SLC24A2: variants seen among roughly 807,000 people sequenced by gnomAD.
SLC24A2 encodes sodium/potassium/calcium exchanger 2.
SLC24A2 carries 36 observed loss-of-function variants against 62.0 expected under a neutral mutation model. The ratio of observed to expected loss-of-function variants is 0.58; its 90% confidence interval spans 0.44 to 0.77. The LOEUF (loss-of-function observed/expected upper bound fraction) is 0.77. SLC24A2 is among the 30% of genes least tolerant of loss of function. SLC24A2 has a pLI of 0.00. For missense variants in SLC24A2, 846 were observed against 817.9 expected (o/e 1.03, Z -0.42); for synonymous variants, 358 against 294.0 (o/e 1.22, Z -2.23).
intron 7 of SLC24A2, among the ~76,000 whole-genome samples, chr9:19,562,159 T>C (rs1039512551): frequency 2.6e-5 from 4 of 152,226 alleles, no homozygotes; most frequent in African/African-American, 4.8e-5. Flanking sequence ...TTGGTTTTTG[T>C]TGTTTTCATG....
At chr9:19,966,117 C>T in the SLC24A2 span, among the ~76,000 whole-genome samples, 1 of 152,170 alleles carries the variant, frequency 6.6e-6, no homozygotes, top group Non-Finnish European at 1.5e-5. Context: ...TCCCCTGCTA[C>T]CTAGAGCTCC....
At chr9:20,189,091 T>C in the SLC24A2 span, among the ~76,000 whole-genome samples, 70 of 131,870 alleles carry the variant, frequency 5.3e-4, no homozygotes, top group East Asian at 3.8e-3. Flanking sequence ...TTTTTTTTTT[T>C]TCCCAGTTGA....
chr9:19,839,315 T>G, the SLC24A2 span, among the ~76,000 whole-genome samples: 8 of 152,302 alleles, frequency 5.3e-5, no homozygotes, highest in East Asian at 1.5e-3. Context: ...AGTTTAACCA[T>G]TGTGGAAGTC....
the SLC24A2 span, among the ~76,000 whole-genome samples, chr9:20,304,808 A>C: frequency 6.6e-6 from 1 of 152,198 alleles, no homozygotes. Flanking sequence ...TAACTTGCCT[A>C]AAGTCTCAGG....
At chr9:20,049,365 C>CT in the SLC24A2 span, among the ~76,000 whole-genome samples, 269 of 151,782 alleles carry the variant, frequency 1.8e-3, 3 homozygotes, top group African/African-American at 6.2e-3. Flanking sequence ...CTCCAATGAA[C>CT]TTTTTTTTTC....
chr9:19,768,844 T>C (rs984107925), intron 2 of SLC24A2, among the ~76,000 whole-genome samples: 1 of 152,192 alleles, frequency 6.6e-6, no homozygotes, highest in African/African-American at 2.4e-5. Flanking sequence ...CCTTCCTCAG[T>C]AGCTGCACCT....
intron 2 of SLC24A2, among the ~76,000 whole-genome samples, chr9:19,690,719 A>G (rs556309361): frequency 1.5e-4 from 23 of 152,220 alleles, no homozygotes; most frequent in Non-Finnish European, 2.8e-4. Context: ...TCCTTTTTGC[A>G]TAAATGAACA....
intron 2 of SLC24A2, among the ~76,000 whole-genome samples, chr9:19,706,336 T>C (rs894971597): frequency 2.0e-5 from 3 of 151,820 alleles, no homozygotes; most frequent in Admixed American, 1.3e-4. Context: ...TCTCTGCATG[T>C]GAGATGGGTT....
rs114306495 is a variant in SLC24A2 at position 19,704,125 on chromosome 9, T to C, written c.930+81812A>G. Among the ~76,000 whole-genome samples, 606 of 147,710 alleles carry C rather than the reference T, an allele frequency of 4.1e-3. 3 individuals carry two copies. Among genetic ancestry groups the C allele is most frequent in the African/African-American group, 0.014 (576 of 40,918 alleles). ...CTAAAACGTGATCTGTGGACCAATA[T>C]TTTCACCTATACCTGGAACTTGTTA... is the stretch of plus-strand genomic sequence containing the variant. On this transcript the variant is annotated intron_variant, in intron 2 of 10. Transcript: ENST00000341998.
At chr9:20,300,926 T>G in the SLC24A2 span, among the ~76,000 whole-genome samples, 1 of 152,188 alleles carries the variant, frequency 6.6e-6, no homozygotes, top group Non-Finnish European at 1.5e-5. Flanking sequence ...TTTGTCATCA[T>G]CGTGACACAT....
chr9:20,040,814 T>C, the SLC24A2 span, among the ~76,000 whole-genome samples: 1 of 152,134 alleles, frequency 6.6e-6, no homozygotes, highest in Non-Finnish European at 1.5e-5. Context: ...CACAAGCTGC[T>C]TTCCACATGT....
At chr9:20,185,522 G>A in the SLC24A2 span, among the ~76,000 whole-genome samples, 9 of 151,924 alleles carry the variant, frequency 5.9e-5, no homozygotes, top group East Asian at 1.2e-3. Context: ...AAAATTAGCT[G>A]GGCGTGGTTG....
chr9:20,080,261 A>G, the SLC24A2 span, among the ~76,000 whole-genome samples: 2 of 152,248 alleles, frequency 1.3e-5, no homozygotes, highest in African/African-American at 4.8e-5. Flanking sequence ...ACAGCATGGT[A>G]CTGTTACCAA....
At chr9:19,535,189 C>T (rs1326479878) in intron 8 of SLC24A2, among the ~76,000 whole-genome samples, 1 of 152,022 alleles carries the variant, frequency 6.6e-6, no homozygotes, top group Non-Finnish European at 1.5e-5. Context: ...TATCCTTTGC[C>T]CACTTTTTGA....
the SLC24A2 span, among the ~76,000 whole-genome samples, chr9:20,021,228 G>A: frequency 6.6e-6 from 1 of 152,046 alleles, no homozygotes; most frequent in Non-Finnish European, 1.5e-5. Context: ...GAAGGTGAGT[G>A]TGGATACATG....
At chr9:19,790,952 G>A (rs941222188), upstream of SLC24A2, among the ~76,000 whole-genome samples, 6 of 152,246 alleles carry the variant, frequency 3.9e-5, no homozygotes, top group South Asian at 2.1e-4. Flanking sequence ...GTCTTGATTC[G>A]GTGAGAAGAG....
chr9:19,528,199 A>G, intron 8 of SLC24A2, 61 bp from the exon 9 acceptor site: 2 of 1,144,590 alleles, frequency 1.7e-6, no homozygotes, highest in Non-Finnish European at 2.6e-6. Context: ...TGATCTGGAA[A>G]TCCAAAGCTA....
At chr9:20,259,468 A>G in the SLC24A2 span, among the ~76,000 whole-genome samples, 1 of 152,110 alleles carries the variant, frequency 6.6e-6, no homozygotes, top group East Asian at 1.9e-4. Context: ...TTTTTAATAT[A>G]TTTATCACAC....
the SLC24A2 span, among the ~76,000 whole-genome samples, chr9:19,812,458 A>G: frequency 3.9e-4 from 59 of 152,206 alleles, 1 homozygote; most frequent in African/African-American, 1.4e-3. Context: ...TGTTAAACCC[A>G]TGATTTGAAT....
Sources: gnomAD v4.1 joint callset for allele counts (sites outside exome capture counted in the v4.1 genomes callset) on GRCh38, gnomAD v4.1.1 for gene constraint, MANE v1.5 for transcripts, NCBI Gene and HGNC (gene_info 2026-07-23, HGNC 2026-07-21) for gene names.